Variants in ZBTB20 observed in about 807,000 individuals in gnomAD.
The protein encoded by ZBTB20 is zinc finger and BTB domain-containing protein 20.
ZBTB20 carries 9 observed loss-of-function variants against 56.9 expected under a neutral mutation model. The ratio of observed to expected loss-of-function variants is 0.16; its 90% CI spans 0.10 to 0.28. The LOEUF (loss-of-function observed/expected upper bound fraction) is 0.28. Ranked by LOEUF, ZBTB20 falls within the 10% of genes least tolerant of loss-of-function variation. The probability of loss-of-function intolerance (pLI) is 1.00; values close to 1 mark genes in which losing one functional copy is unlikely to be tolerated. For synonymous variants in ZBTB20, 417 were observed against 420.7 expected (o/e 0.99, Z 0.11); for missense variants, 655 against 1,003.0 (o/e 0.65, Z 4.69).
chr3:115,022,127 T>C (rs1328661887), intron 2 of ZBTB20, among the ~76,000 whole-genome samples: 2 of 150,574 alleles, frequency 1.3e-5, no homozygotes, highest in Non-Finnish European at 3.0e-5. Flanking sequence ...ATTTTGAAAA[T>C]TTAGGATACG....
intron 6 of ZBTB20, among the ~76,000 whole-genome samples, chr3:114,631,385 T>TTTTA (rs2058936370): frequency 1.0e-5 from 1 of 96,282 alleles, no homozygotes; most frequent in Non-Finnish European, 2.1e-5. Flanking sequence ...GGTTATTCTT[T>TTTTA]TTTTTTTTTT....
intron 6 of ZBTB20, among the ~76,000 whole-genome samples, chr3:114,532,622 C>T (rs1230817516): frequency 6.6e-6 from 1 of 152,234 alleles, no homozygotes; most frequent in Admixed American, 6.5e-5. Flanking sequence ...TCTCCCATCA[C>T]AGAGCTCGAG....
At chr3:114,929,527 G>C (rs1036843018) in intron 3 of ZBTB20, among the ~76,000 whole-genome samples, 15 of 152,156 alleles carry the variant, frequency 9.9e-5, no homozygotes, top group Non-Finnish European at 2.2e-4. Context: ...CCCATCTCAT[G>C]ATCATGTCAA....
intron 5 of ZBTB20, among the ~76,000 whole-genome samples, chr3:114,782,472 A>ATCTCTG (rs2070176692): frequency 6.6e-6 from 1 of 152,216 alleles, no homozygotes; most frequent in African/African-American, 2.4e-5. Context: ...CTGGGGATAA[A>ATCTCTG]TGCTCTAAGT....
chr3:114,380,338 T>A lies in ZBTB20; in HGVS notation c.78A>T (p.Gly26=). Reference sequence around the variant, plus strand: ...AGGGAAGGCCCGGCTTGGCGCTGGATCCACCCGGCTGAGTAATCTCATTCT... The same window carrying A: ...AGGGAAGGCCCGGCTTGGCGCTGGAACCACCCGGCTGAGTAATCTCATTCT... ...SEENEITQPG[G]SSAKPGLPCL... is the part of the protein sequence containing the mutation. The change falls in exon 10 of 12, where the codon GGA becomes GGT. Residue 26 remains glycine, a synonymous_variant. Coordinates refer to ENST00000675478, the MANE Select transcript of ZBTB20 (RefSeq NM_001348800.3). 1 of 1,537,180 alleles carries A rather than the reference T, an allele frequency of 6.5e-7. No individual in the cohort carries two copies. Among genetic ancestry groups the A allele is most frequent in the South Asian group, 1.2e-5 (1 of 84,062 alleles).
intron 2 of ZBTB20, among the ~76,000 whole-genome samples, chr3:115,006,002 GT>G (rs71146347): frequency 0.25 from 36,579 of 148,884 alleles, 4,746 homozygotes; most frequent in Middle Eastern, 0.32. Context: ...ATTGCCAAAT[GT>G]TTTTTTTTTC....
At chr3:114,666,182 G>A (rs2061045206) in intron 6 of ZBTB20, among the ~76,000 whole-genome samples, 1 of 151,876 alleles carries the variant, frequency 6.6e-6, no homozygotes, top group South Asian at 2.1e-4. Context: ...CCTGTGAGAA[G>A]CCAAAAGACT....
chr3:114,914,750 T>G (rs2075677513), intron 3 of ZBTB20, among the ~76,000 whole-genome samples: 1 of 151,550 alleles, frequency 6.6e-6, no homozygotes, highest in Non-Finnish European at 1.5e-5. Flanking sequence ...GATATCCAGT[T>G]TTTTGAGGGT....
At chr3:114,374,957 C>T (rs935537240) in intron 10 of ZBTB20, among the ~76,000 whole-genome samples, 8 of 152,270 alleles carry the variant, frequency 5.3e-5, no homozygotes, top group African/African-American at 1.9e-4. Context: ...TCAAATTTGC[C>T]AAAGAGACCT....
intron 2 of ZBTB20, among the ~76,000 whole-genome samples, chr3:114,993,589 A>G (rs543292024): frequency 6.6e-6 from 1 of 151,980 alleles, no homozygotes; most frequent in South Asian, 2.1e-4. Context: ...GGAATAAAAT[A>G]AGAAATTAAG....
chr3:114,945,513 A>T (rs2076855140), intron 3 of ZBTB20, among the ~76,000 whole-genome samples: 1 of 145,370 alleles, frequency 6.9e-6, no homozygotes, highest in Non-Finnish European at 1.5e-5. Flanking sequence ...AAGTTACAGT[A>T]GAGCTCATTA....
chr3:114,676,674 A>G (rs1396550569), intron 6 of ZBTB20, among the ~76,000 whole-genome samples: 7 of 152,150 alleles, frequency 4.6e-5, no homozygotes, highest in Admixed American at 4.6e-4. Flanking sequence ...TATAAATGAT[A>G]TAATATACCA....
intron 6 of ZBTB20, among the ~76,000 whole-genome samples, chr3:114,633,466 T>C (rs1216421523): frequency 2.6e-5 from 4 of 152,130 alleles, no homozygotes; most frequent in African/African-American, 9.7e-5. Context: ...GCTGTTTGGA[T>C]AGGGAATAAG....
At chr3:114,698,165 G>A (rs1166364067) in intron 5 of ZBTB20, among the ~76,000 whole-genome samples, 1 of 151,734 alleles carries the variant, frequency 6.6e-6, no homozygotes, top group Non-Finnish European at 1.5e-5. Flanking sequence ...ATGTCATCAG[G>A]GTAAAGAGAA....
intron 7 of ZBTB20, among the ~76,000 whole-genome samples, chr3:114,496,273 A>C (rs1336561750): frequency 6.6e-6 from 1 of 152,216 alleles, no homozygotes; most frequent in Non-Finnish European, 1.5e-5. Flanking sequence ...GACTGGCAGT[A>C]GGTTGGCTGT....
intron 2 of ZBTB20, among the ~76,000 whole-genome samples, chr3:115,038,617 C>T (rs1399412616): frequency 2.0e-5 from 3 of 152,210 alleles, no homozygotes; most frequent in South Asian, 4.1e-4. Flanking sequence ...TATTATAAAA[C>T]TGCAGCTAAA....
chr3:114,860,357 T>C (rs2107483824), intron 4 of ZBTB20, among the ~76,000 whole-genome samples: 1 of 152,206 alleles, frequency 6.6e-6, no homozygotes, highest in South Asian at 2.1e-4. Context: ...TGAATATGTG[T>C]TTTACAAAAT....
chr3:114,546,630 T>C (rs1240129028), intron 6 of ZBTB20, among the ~76,000 whole-genome samples: 1 of 151,630 alleles, frequency 6.6e-6, no homozygotes, highest in Non-Finnish European at 1.5e-5. Flanking sequence ...ACCTTTGGCA[T>C]GAAGAAGTCA....
Position 114,817,483 on chromosome 3 carries a change from A to T in ZBTB20, c.-416-16309T>A, listed in dbSNP as rs569691591. 6.6e-5 allele frequency among the ~76,000 whole-genome samples: 10 copies of T among 151,988 alleles called. No individual in the cohort carries two copies. The South Asian group carries it at 2.1e-3, about 32-fold the overall frequency. ...CGGTGAGCTGAGATCACACTATTGC[A>T]CTATAGCCTGGGCAAAAAGAGAGAA... is the stretch of plus-strand genomic sequence containing the variant. On this transcript the variant is annotated intron_variant, in intron 4 of 11. Transcript: ENST00000675478.
Sources: allele counts gnomAD v4.1 joint callset (sites outside exome capture counted in the v4.1 genomes callset), GRCh38; gene constraint gnomAD v4.1.1; transcripts MANE v1.5; gene names NCBI Gene and HGNC (gene_info 2026-07-23, HGNC 2026-07-21).